The following MSN variants were observed in gnomAD, a reference collection of about 807,000 sequenced individuals.
MSN encodes epididymis luminal protein 70.
In MSN, 2 loss-of-function variants were observed where a neutral mutation model predicts 48.0. The observed-to-expected ratio is 0.04, with a 90% CI of 0.02 to 0.13. The LOEUF (loss-of-function observed/expected upper bound fraction) is 0.13. Among genes scored for constraint, MSN ranks in the 10% least tolerant of loss-of-function variants. MSN has a pLI of 1.00. For missense variants in MSN, 267 were observed against 470.1 expected, an observed-to-expected ratio of 0.57 and a Z score of 3.99; for synonymous variants, 146 against 166.9, an observed-to-expected ratio of 0.87 and a Z score of 0.97.
At chrX:65,654,956 T>C (rs945433888) in intron 1 of MSN, among the ~76,000 whole-genome samples, 1 of 111,626 alleles carries the variant, frequency 9.0e-6, no homozygotes, top group Admixed American at 9.6e-5. Context: ...ACACTTAGGA[T>C]GTGGGGAGTG....
At chrX:65,620,288 A>C (rs762991939) in intron 1 of MSN, among the ~76,000 whole-genome samples, 6 of 112,239 alleles carry the variant, frequency 5.3e-5, no homozygotes, top group Admixed American at 2.8e-4. Flanking sequence ...TGGGCAATGG[A>C]GGGCGCCCCT....
intron 1 of MSN, among the ~76,000 whole-genome samples, chrX:65,637,809 T>TAATCCTA (rs1006964845): frequency 3.6e-5 from 4 of 111,620 alleles, no homozygotes; most frequent in Non-Finnish European, 7.5e-5. Flanking sequence ...ATTACAGGTG[T>TAATCCTA]GAACCACCAT....
At chrX:65,666,727 T>C (rs752925835), upstream of MSN, among the ~76,000 whole-genome samples, 2 of 111,199 alleles carry the variant, frequency 1.8e-5, no homozygotes, top group African/African-American at 6.5e-5. Flanking sequence ...TCTCAAAGTG[T>C]TAAGATTACA....
chrX:65,611,295 G>A (rs58175065), intron 1 of MSN, among the ~76,000 whole-genome samples: 1,596 of 109,761 alleles, frequency 0.015, 26 homozygotes, highest in African/African-American at 0.05. Context: ...AAGTAGCTGC[G>A]ATTACAGGTG....
chrX:65,602,388 C>T (rs1467097269), intron 1 of MSN, among the ~76,000 whole-genome samples: 1 of 112,040 alleles, frequency 8.9e-6, no homozygotes, highest in Non-Finnish European at 1.9e-5. Context: ...CAGCTGTATG[C>T]AACAGTCTTT....
intron 1 of MSN, among the ~76,000 whole-genome samples, chrX:65,678,985 G>A (rs2071029179): frequency 9.0e-6 from 1 of 111,682 alleles, no homozygotes; most frequent in East Asian, 2.8e-4. Context: ...ATTTAGAATG[G>A]CATTGAGTGT....
intron 1 of MSN, among the ~76,000 whole-genome samples, chrX:65,626,137 G>C (rs2070503663): frequency 9.1e-6 from 1 of 109,752 alleles, no homozygotes; most frequent in Admixed American, 9.8e-5. Context: ...TGTATTTTTA[G>C]TAGAGACGGG....
At chrX:65,733,070 AAAAG>A (rs2071639166) in intron 6 of MSN, 110 bp from the exon 7 acceptor site, 1 of 520,442 alleles carries the variant, frequency 1.9e-6, no homozygotes, top group Non-Finnish European at 3.1e-6. Context: ...TAAAAAAAAA[AAAAG>A]AGAGAGAGAG....
At chrX:65,668,491 C>T (rs957264030) in intron 1 of MSN, among the ~76,000 whole-genome samples, 18 of 111,806 alleles carry the variant, frequency 1.6e-4, no homozygotes, top group African/African-American at 5.5e-4. Flanking sequence ...GGAGAGAGGA[C>T]CGGTTTCTCC....
chrX:65,657,038 G>C (rs1455808160), intron 1 of MSN, among the ~76,000 whole-genome samples: 36 of 111,913 alleles, frequency 3.2e-4, no homozygotes, highest in Admixed American at 1.2e-3. Flanking sequence ...GCAGGGAGAC[G>C]AGGGAGGAGC....
intron 1 of MSN, among the ~76,000 whole-genome samples, chrX:65,626,324 A>T (rs1280480068): frequency 9.0e-6 from 1 of 111,284 alleles, no homozygotes; most frequent in Admixed American, 9.6e-5. Flanking sequence ...TTATTTTGCT[A>T]CTTTCCCATT....
At chrX:65,659,690 C>T (rs960767005) in intron 1 of MSN, among the ~76,000 whole-genome samples, 47 of 111,641 alleles carry the variant, frequency 4.2e-4, no homozygotes, top group East Asian at 2.8e-4. Context: ...CACCTCTGCT[C>T]ATATTGGCCC....
intron 1 of MSN, among the ~76,000 whole-genome samples, chrX:65,713,614 CTTCT>C (rs1260053891): frequency 8.9e-6 from 1 of 111,895 alleles, no homozygotes; most frequent in African/African-American, 3.3e-5. Context: ...ATCCAGTGTT[CTTCT>C]TTGTTTTTAA....
intron 2 of MSN, among the ~76,000 whole-genome samples, chrX:65,719,481 A>G (rs982564303): frequency 3.6e-5 from 4 of 111,881 alleles, no homozygotes; most frequent in African/African-American, 1.3e-4. Flanking sequence ...AGCTGCTGGC[A>G]TATGTGAGGA....
intron 2 of MSN, among the ~76,000 whole-genome samples, chrX:65,720,822 C>T (rs868514136): frequency 8.0e-5 from 9 of 112,200 alleles, no homozygotes; most frequent in Non-Finnish European, 1.3e-4. Flanking sequence ...AATGGGATGC[C>T]ATAGCTTGAG....
chrX:65,660,364 A>T (rs1195952140), intron 1 of MSN, among the ~76,000 whole-genome samples: 4 of 111,962 alleles, frequency 3.6e-5, no homozygotes, highest in African/African-American at 1.3e-4. Flanking sequence ...GAAGCTATTT[A>T]TCAGATCTAG....
chrX:65,641,529 C>CA (rs1215400897), intron 1 of MSN, among the ~76,000 whole-genome samples: 249 of 21,165 alleles, frequency 0.012, 5 homozygotes, highest in African/African-American at 0.038. Flanking sequence ...GACTCGGTCT[C>CA]AAAAAAAAAA....
In MSN at chrX:65,593,522, A is replaced by G. The variant is rs773384400; in HGVS notation, c.-22+4910A>G. ...GGGGTGGTGCAATAAACTAATGACA[A>G]GACCTTATAGACAAATTATTTTATT... On this transcript the variant is annotated intron_variant, in intron 1 of 3. Coordinates refer to the MSN transcript ENST00000609672. The G allele has an allele frequency of 3.6e-5, 4 of 111,926 alleles. No individual in the cohort carries two copies. The East Asian group carries it at 1.1e-3, about 31-fold the overall frequency. The allele number at this position is 111,926 out of a possible 1,213,427, so 9.2% of individuals were successfully genotyped here.
chrX:65,683,383 TGCC>T (rs199588485), intron 1 of MSN, among the ~76,000 whole-genome samples: 1 of 93,857 alleles, frequency 1.1e-5, no homozygotes. Flanking sequence ...TTGCTACTGT[TGCC>T]GCCGCCGCCA....
Sources: allele counts gnomAD v4.1 joint callset (sites outside exome capture counted in the v4.1 genomes callset), GRCh38; gene constraint gnomAD v4.1.1; transcripts MANE v1.5; gene names NCBI Gene and HGNC (gene_info 2026-07-23, HGNC 2026-07-21).